The following SVOPL variants were observed in gnomAD, a reference collection of about 807,000 sequenced individuals.
SVOPL encodes the protein putative transporter SVOPL.
SVOPL carries 60 observed loss-of-function variants against 61.0 expected under a neutral mutation model. The ratio of observed to expected loss-of-function variants is 0.98; its 90% CI spans 0.80 to 1.22. SVOPL has a LOEUF of 1.22. Among genes scored for constraint, SVOPL ranks in the 50% most tolerant of loss-of-function variants. The pLI, the probability that SVOPL is intolerant of heterozygous loss-of-function variation, is 0.00. For missense variants in SVOPL, 662 were observed against 643.9 expected (o/e 1.03, Z -0.30); for synonymous variants, 279 against 250.0 (o/e 1.12, Z -1.09).
At chr7:138,596,788 C>T in intron 14 of SVOPL, 1 of 1,145,886 alleles carries the variant, frequency 8.7e-7, no homozygotes, top group African/African-American at 1.6e-5. Flanking sequence ...TGTCAGGCAT[C>T]TCCAGAGCCA....
At chr7:138,675,164 G>A (rs1364306485) in intron 3 of SVOPL, among the ~76,000 whole-genome samples, 1 of 151,820 alleles carries the variant, frequency 6.6e-6, no homozygotes, top group East Asian at 1.9e-4. Flanking sequence ...ACTTTGGGAG[G>A]CCGAGGTGGG....
chr7:138,697,478 C>T (rs1253099129), intron 1 of SVOPL, among the ~76,000 whole-genome samples: 5 of 151,482 alleles, frequency 3.3e-5, no homozygotes, highest in East Asian at 3.9e-4. Flanking sequence ...TGTGGTGGCA[C>T]GTGCCTGTGG....
intron 14 of SVOPL, among the ~76,000 whole-genome samples, chr7:138,603,586 T>G (rs1187555419): frequency 6.6e-6 from 1 of 152,110 alleles, no homozygotes; most frequent in Non-Finnish European, 1.5e-5. Flanking sequence ...GCACAAGAAT[T>G]GCTTGAACCC....
chr7:138,609,694 A>G (rs1798908935), intron 14 of SVOPL, among the ~76,000 whole-genome samples: 2 of 118,702 alleles, frequency 1.7e-5, no homozygotes, highest in African/African-American at 3.3e-5. Context: ...AGCAAGCACA[A>G]GGATGCTCAT....
At chr7:138,670,586 A>T (rs1249444833) in intron 4 of SVOPL, among the ~76,000 whole-genome samples, 1 of 152,196 alleles carries the variant, frequency 6.6e-6, no homozygotes, top group African/African-American at 2.4e-5. Flanking sequence ...AACCAATCAG[A>T]AATATCCATT....
chr7:138,650,248 G>T (rs1224069374), intron 7 of SVOPL, among the ~76,000 whole-genome samples: 1 of 152,174 alleles, frequency 6.6e-6, no homozygotes, highest in African/African-American at 2.4e-5. Flanking sequence ...TTCGACTGAA[G>T]GTCTAATAAT....
chr7:138,678,409 G>A (rs1226863079), intron 3 of SVOPL, 25 bp downstream of exon 3: 44 of 1,544,212 alleles, frequency 2.8e-5, no homozygotes, highest in Middle Eastern at 1.7e-4. Context: ...GACACTTTTC[G>A]TCAACATCTC....
chr7:138,600,588 C>T (rs780368283), intron 14 of SVOPL, among the ~76,000 whole-genome samples: 1 of 150,126 alleles, frequency 6.7e-6, no homozygotes, highest in East Asian at 2.0e-4. Context: ...GGTGACAGAG[C>T]GAGACAGTGT....
chr7:138,677,952 G>A (rs940907129), intron 3 of SVOPL, among the ~76,000 whole-genome samples: 42 of 151,832 alleles, frequency 2.8e-4, no homozygotes, highest in Admixed American at 2.6e-4. Flanking sequence ...TAGTAGAAAC[G>A]GAGTTTCAAC....
chr7:138,664,660 C>T lies in SVOPL; in HGVS notation c.274-1515G>A, dbSNP rs946692534. Among the ~76,000 whole-genome samples the T allele has an allele frequency of 2.7e-5, 4 of 148,208 alleles. 1 individual carries two copies. The highest frequency in any genetic ancestry group is 7.5e-5 in the African/African-American group (3 of 40,266). ...AGCACCCCCGATCCTCCATCGGGCG[C>T]GCGCCTAACTCTCCAGCGTCCCTGA... On this transcript the variant is annotated intron_variant, in intron 4 of 15. Coordinates refer to ENST00000674285, the MANE Select transcript of SVOPL (RefSeq NM_001139456.2).
intron 7 of SVOPL, 68 bp downstream of exon 7, chr7:138,656,380 G>C (rs1801729773): frequency 6.8e-7 from 1 of 1,480,446 alleles, no homozygotes; most frequent in Non-Finnish European, 9.4e-7. Context: ...GTATTTCCAA[G>C]GTATGCCTAT....
At chr7:138,687,305 G>A (rs1388331090) in intron 1 of SVOPL, among the ~76,000 whole-genome samples, 5 of 133,240 alleles carry the variant, frequency 3.8e-5, no homozygotes, top group Admixed American at 8.6e-5. Context: ...GCGTGATCTC[G>A]GCTCACCACA....
At chr7:138,672,913 A>T (rs888828002) in intron 3 of SVOPL, among the ~76,000 whole-genome samples, 2 of 151,664 alleles carry the variant, frequency 1.3e-5, no homozygotes, top group African/African-American at 4.8e-5. Context: ...TCAAAAAAAA[A>T]AAAAAAAAAA....
intron 14 of SVOPL, among the ~76,000 whole-genome samples, chr7:138,612,804 C>T (rs111278247): frequency 0.025 from 3,817 of 151,990 alleles, 167 homozygotes; most frequent in African/African-American, 0.085. Context: ...CATGAGCCAC[C>T]GCGCCTGGCC....
chr7:138,674,953 C>A (rs1325213601), intron 3 of SVOPL, among the ~76,000 whole-genome samples: 1 of 152,000 alleles, frequency 6.6e-6, no homozygotes, highest in South Asian at 2.1e-4. Flanking sequence ...AAAACTTCAC[C>A]TAGTCACACC....
Position 138,659,349 on chromosome 7 carries a change from C to T in SVOPL, c.470+515G>A, listed in dbSNP as rs935465102. On this transcript the variant is annotated intron_variant, in intron 6 of 15. Transcript: ENST00000674285. ...TCTACTAAAAATACAAAAAATTAGC[C>T]GGGCATGATGGCAGGCATCTGTAAT... 2.7e-4 allele frequency among the ~76,000 whole-genome samples: 41 copies of T among 152,092 alleles called. 1 individual carries two copies. Among genetic ancestry groups the T allele is most frequent in the Admixed American group, 2.1e-3 (32 of 15,258 alleles).
chr7:138,613,231 G>T (rs928063256), intron 14 of SVOPL, among the ~76,000 whole-genome samples: 11 of 151,710 alleles, frequency 7.3e-5, no homozygotes, highest in African/African-American at 9.7e-5. Context: ...TGTTGGCCAG[G>T]CTGGTCTCGA....
chr7:138,657,402 A>C (rs1446784875), intron 6 of SVOPL, among the ~76,000 whole-genome samples: 1 of 152,050 alleles, frequency 6.6e-6, no homozygotes, highest in Non-Finnish European at 1.5e-5. Context: ...TTGGTTTCCT[A>C]AAGGGCTGGG....
At chr7:138,678,577 C>T (rs1431142432) in intron 2 of SVOPL, 52 bp from the exon 3 acceptor site, 61 of 1,511,768 alleles carry the variant, frequency 4.0e-5, no homozygotes, top group Non-Finnish European at 5.2e-5. Context: ...GAAGGGAATG[C>T]GTGTGGACTA....
Sources: allele counts gnomAD v4.1 joint callset (sites outside exome capture counted in the v4.1 genomes callset), GRCh38; gene constraint gnomAD v4.1.1; transcripts MANE v1.5; gene names NCBI Gene and HGNC (gene_info 2026-07-23, HGNC 2026-07-21).